The following KDM4C variants were observed in gnomAD, a reference collection of about 807,000 sequenced individuals.
KDM4C encodes the protein lysine-specific demethylase 4C.
A neutral mutation model predicts 129.3 loss-of-function variants in KDM4C; 81 were observed. The observed-to-expected ratio is 0.63, with a 90% CI of 0.52 to 0.75. The LOEUF is 0.75. Among genes scored for constraint, KDM4C ranks in the 30% least tolerant of loss-of-function variants. KDM4C has a pLI of 0.00. For missense variants in KDM4C, 1,457 were observed against 1,304.0 expected, an observed-to-expected ratio of 1.12 and a Z score of -1.81; for synonymous variants, 573 against 456.1, an observed-to-expected ratio of 1.26 and a Z score of -3.26.
At chr9:7,115,255 T>C (rs1218158276) in intron 18 of KDM4C, among the ~76,000 whole-genome samples, 2 of 152,228 alleles carry the variant, frequency 1.3e-5, no homozygotes, top group African/African-American at 2.4e-5. Flanking sequence ...TGCAAAATGC[T>C]TGCTTGCTTT....
chr9:6,791,730 T>C (rs190476025), intron 1 of KDM4C, among the ~76,000 whole-genome samples: 1 of 152,236 alleles, frequency 6.6e-6, no homozygotes, highest in African/African-American at 2.4e-5. Context: ...GGTTAGAAAA[T>C]TCATTTTTAC....
At chr9:7,077,099 G>A (rs569032012) in intron 17 of KDM4C, 1 of 985,414 alleles carries the variant, frequency 1.0e-6, no homozygotes, top group South Asian at 4.7e-5. Context: ...GTTCTATCTG[G>A]GTGATATATG....
intron 8 of KDM4C, among the ~76,000 whole-genome samples, chr9:6,962,127 T>C (rs1021741583): frequency 6.6e-6 from 1 of 152,192 alleles, no homozygotes; most frequent in Non-Finnish European, 1.5e-5. Context: ...ATGAATTAAA[T>C]TGATTGATTG....
chr9:6,920,341 G>C (rs1821253555), intron 8 of KDM4C, among the ~76,000 whole-genome samples: 1 of 151,978 alleles, frequency 6.6e-6, no homozygotes, highest in South Asian at 2.1e-4. Context: ...GTTATCTGTA[G>C]AAGCAATTGG....
intron 8 of KDM4C, among the ~76,000 whole-genome samples, chr9:6,898,315 G>A (rs1024254160): frequency 4.6e-5 from 7 of 152,268 alleles, no homozygotes; most frequent in African/African-American, 1.4e-4. Context: ...GAGTAAAAAA[G>A]AATCATTGTC....
chr9:6,990,631 T>G (rs1387258018), intron 12 of KDM4C, 107 bp downstream of exon 12: 4 of 676,912 alleles, frequency 5.9e-6, no homozygotes, highest in Non-Finnish European at 1.0e-5. Context: ...AAGTAGCAAA[T>G]ACGTACTATT....
At chr9:7,025,391 T>A (rs915837514) in intron 15 of KDM4C, among the ~76,000 whole-genome samples, 3 of 152,232 alleles carry the variant, frequency 2.0e-5, no homozygotes, top group African/African-American at 4.8e-5. Context: ...TGTTCTGCCA[T>A]TGTATTGTTT....
chr9:6,786,248 C>T (rs759534050), intron 1 of KDM4C, among the ~76,000 whole-genome samples: 6 of 152,110 alleles, frequency 3.9e-5, no homozygotes, highest in Non-Finnish European at 8.8e-5. Flanking sequence ...AATAAAGACA[C>T]GTTCTCATTA....
chr9:7,174,599 A>G lies in KDM4C; in HGVS notation c.3041A>G (p.Asp1014Gly). ...MRFEDTFYGA[D>G]IIQGERKRQR... ...TTTGAAGACACGTTTTATGGAGCAG[A>G]CATTATCCAAGGGGAGAGAAAGAGA... is the stretch of plus-strand genomic sequence containing the variant. The change falls in exon 22 of 22, where the codon GAC (aspartate) becomes GGC (glycine). Residue 1014 changes from aspartate (D) to glycine (G), a missense_variant. Transcript: ENST00000381309. 6.2e-7 allele frequency: 1 copy of G among 1,614,228 alleles called. No homozygotes were observed. The highest frequency in any genetic ancestry group is 8.5e-7 in the Non-Finnish European group (1 of 1,180,040).
At chr9:7,143,722 G>A (rs1239038166) in intron 19 of KDM4C, among the ~76,000 whole-genome samples, 1 of 152,106 alleles carries the variant, frequency 6.6e-6, no homozygotes, top group Non-Finnish European at 1.5e-5. Flanking sequence ...GAATCATTTG[G>A]GGGAGTTTCT....
At chr9:7,140,269 A>G (rs1420820655) in intron 19 of KDM4C, among the ~76,000 whole-genome samples, 2 of 152,196 alleles carry the variant, frequency 1.3e-5, no homozygotes, top group Non-Finnish European at 2.9e-5. Context: ...CGCCCTGCTC[A>G]TACCTGACTG....
intron 2 of KDM4C, among the ~76,000 whole-genome samples, chr9:6,794,362 T>C (rs1827322282): frequency 1.3e-5 from 2 of 152,244 alleles, no homozygotes; most frequent in Non-Finnish European, 2.9e-5. Flanking sequence ...GCCTGGAGGC[T>C]GACCTGTACT....
intron 8 of KDM4C, among the ~76,000 whole-genome samples, chr9:6,927,710 C>G (rs1822896017): frequency 6.6e-6 from 1 of 152,184 alleles, no homozygotes; most frequent in African/African-American, 2.4e-5. Flanking sequence ...ACGTATCAAC[C>G]CTCCACACAA....
At chr9:7,024,657 A>G (rs1380318002) in intron 15 of KDM4C, among the ~76,000 whole-genome samples, 4 of 152,202 alleles carry the variant, frequency 2.6e-5, no homozygotes, top group African/African-American at 9.7e-5. Context: ...TGCAAAGGGC[A>G]TGAACTCATC....
chr9:6,764,317 T>G (rs1820188191), intron 1 of KDM4C, among the ~76,000 whole-genome samples: 1 of 152,222 alleles, frequency 6.6e-6, no homozygotes, highest in Admixed American at 6.5e-5. Context: ...TATGAGCACT[T>G]AAGTGCTAAA....
At chr9:6,855,458 CAAAAAA>C (rs34177301) in intron 5 of KDM4C, among the ~76,000 whole-genome samples, 13 of 70,090 alleles carry the variant, frequency 1.9e-4, no homozygotes, top group African/African-American at 4.6e-4. Context: ...GACTCCGTCT[CAAAAAA>C]AAAAAAAAAA....
intron 8 of KDM4C, among the ~76,000 whole-genome samples, chr9:6,945,423 A>C (rs7034789): frequency 0.37 from 55,511 of 151,990 alleles, 10,292 homozygotes; most frequent in South Asian, 0.47. Flanking sequence ...AGCATTTAGT[A>C]GTAGCATTGA....
At chr9:7,076,937 C>A (rs528011113) in intron 17 of KDM4C, 107 of 986,146 alleles carry the variant, frequency 1.1e-4, no homozygotes, top group Non-Finnish European at 1.3e-4. Context: ...TCAGAAGTTA[C>A]ACCATTTTTC....
rs148328387 is a variant in KDM4C at position 7,149,898 on chromosome 9, C to T, written c.2782-15340C>T. On this transcript the variant is annotated intron_variant, in intron 19 of 21. Coordinates refer to ENST00000381309, the MANE Select transcript of KDM4C (RefSeq NM_015061.6). ...AGAGGAAGTGTCAGAAAGCTTTACA[C>T]GTATAAATTCCTTATTTAAGTAGTT... 5.5e-3 allele frequency among the ~76,000 whole-genome samples: 841 copies of T among 152,298 alleles called. 13 individuals carry two copies. The highest frequency in any genetic ancestry group is 0.019 in the African/African-American group (799 of 41,550).
Sources: gnomAD v4.1 joint callset for allele counts (sites outside exome capture counted in the v4.1 genomes callset) on GRCh38, gnomAD v4.1.1 for gene constraint, MANE v1.5 for transcripts, NCBI Gene and HGNC (gene_info 2026-07-23, HGNC 2026-07-21) for gene names.